Variants in RPS6KC1 observed in about 807,000 individuals in gnomAD.
The protein encoded by RPS6KC1 is inactive ribosomal protein S6 kinase delta-1.
RPS6KC1 carries 54 observed loss-of-function variants against 103.8 expected under a neutral mutation model. The observed-to-expected ratio is 0.52, with a 90% CI of 0.42 to 0.65. RPS6KC1 has a LOEUF of 0.65. RPS6KC1 is among the 30% of genes least tolerant of loss of function. The probability of loss-of-function intolerance (pLI) is 0.00; values close to 1 mark genes in which losing one functional copy is unlikely to be tolerated. For missense variants in RPS6KC1, 1,151 were observed against 1,253.8 expected (o/e 0.92, Z 1.24); for synonymous variants, 439 against 438.7 (o/e 1.00, Z -0.01).
the RPS6KC1 span, among the ~76,000 whole-genome samples, chr1:213,328,945 A>C: frequency 2.6e-5 from 4 of 152,170 alleles, no homozygotes; most frequent in Non-Finnish European, 5.9e-5. Flanking sequence ...TTTAAGGTGC[A>C]TGTTATACAG....
At chr1:213,443,679 C>T in the RPS6KC1 span, among the ~76,000 whole-genome samples, 21 of 151,930 alleles carry the variant, frequency 1.4e-4, no homozygotes, top group African/African-American at 5.1e-4. Flanking sequence ...ACTTTGGGAG[C>T]GTGAGGTGGG....
chr1:213,700,730 T>C, the RPS6KC1 span, among the ~76,000 whole-genome samples: 12 of 152,172 alleles, frequency 7.9e-5, no homozygotes, highest in Admixed American at 3.3e-4. Flanking sequence ...TTAAATTTCT[T>C]TCATCAGTGT....
chr1:213,273,798 C>G lies in RPS6KC1; in HGVS notation c.*1164C>G, dbSNP rs1019871859. The G allele has an allele frequency of 5.9e-5, 9 of 152,054 alleles. No individual in the cohort carries two copies. The highest frequency in any genetic ancestry group is 1.2e-4 in the Non-Finnish European group (8 of 68,008). 9.4% of individuals were successfully genotyped at this position (152,054 alleles called of 1,614,324 possible). On this transcript the variant is annotated 3_prime_UTR_variant, in exon 15 of 15. Transcript: ENST00000366960. ...TAGCTCCTGTAGTTATGCATTGTTGCAAAAATTTACAAATGTTTTAAAAGT... is the reference window on the plus strand; with the variant it reads ...TAGCTCCTGTAGTTATGCATTGTTGGAAAAATTTACAAATGTTTTAAAAGT...
the RPS6KC1 span, among the ~76,000 whole-genome samples, chr1:213,861,425 C>T: frequency 3.9e-5 from 6 of 152,274 alleles, no homozygotes; most frequent in East Asian, 1.2e-3. Flanking sequence ...TCCCCTCTCT[C>T]AATAACAGCG....
rs191841327 is a variant in RPS6KC1 at position 213,143,180 on chromosome 1, T to G, written c.835+13291T>G. Among the ~76,000 whole-genome samples the G allele has an allele frequency of 4.9e-3, 747 of 152,176 alleles. 6 individuals carry two copies. Among genetic ancestry groups the G allele is most frequent in the Non-Finnish European group, 8.1e-3 (552 of 68,006 alleles). ...GTAGATTCAATTTCTTTAGTAGATA[T>G]TCAACTGTTTTGTATATTTCTTCTT... is the stretch of plus-strand genomic sequence containing the variant. On this transcript the variant is annotated intron_variant, in intron 6 of 14. Coordinates refer to ENST00000366960, the MANE Select transcript of RPS6KC1 (RefSeq NM_012424.6).
the RPS6KC1 span, among the ~76,000 whole-genome samples, chr1:213,339,797 A>G: frequency 6.6e-6 from 1 of 152,188 alleles, no homozygotes; most frequent in African/African-American, 2.4e-5. Context: ...CCCAGGACGC[A>G]TGGTGGCTTT....
chr1:213,559,941 G>A, the RPS6KC1 span, among the ~76,000 whole-genome samples: 23 of 151,736 alleles, frequency 1.5e-4, no homozygotes, highest in East Asian at 3.9e-4. Flanking sequence ...CGTGTATGTC[G>A]TAGCAGGTAT....
chr1:213,195,374 T>C (rs1171226604), intron 8 of RPS6KC1, among the ~76,000 whole-genome samples: 1 of 152,258 alleles, frequency 6.6e-6, no homozygotes, highest in Non-Finnish European at 1.5e-5. Flanking sequence ...GGGAATTTTC[T>C]GTACAATGTT....
intron 12 of RPS6KC1, among the ~76,000 whole-genome samples, chr1:213,251,802 C>T (rs2094550818): frequency 6.6e-6 from 1 of 152,162 alleles, no homozygotes; most frequent in Non-Finnish European, 1.5e-5. Flanking sequence ...ATTCAACAAA[C>T]ATTTATTAAA....
intron 4 of RPS6KC1, among the ~76,000 whole-genome samples, chr1:213,106,211 C>T (rs2082477092): frequency 1.3e-5 from 2 of 151,698 alleles, no homozygotes; most frequent in South Asian, 4.2e-4. Flanking sequence ...CAGTGGTATT[C>T]AGTCATTATC....
At position 213,242,559 on chromosome 1, in the gene RPS6KC1, T is replaced by C. The variant is rs2094380572; in HGVS notation, c.2822-10T>C. On this transcript the variant is annotated splice_polypyrimidine_tract_variant and intron_variant, in intron 11 of 14. Transcript: ENST00000366960. ...AAATGTTTTGATTTCTCCTGTCGTT[T>C]TGTTTTTAGGACACATTCAGCTAAC... 1 of 1,605,972 alleles carries C rather than the reference T, an allele frequency of 6.2e-7. No individual in the cohort carries two copies. The highest frequency in any genetic ancestry group is 1.7e-4 in the Middle Eastern group (1 of 6,040).
the RPS6KC1 span, among the ~76,000 whole-genome samples, chr1:213,570,286 G>A: frequency 1.3e-5 from 2 of 152,208 alleles, no homozygotes; most frequent in Admixed American, 1.3e-4. Context: ...GATTAAGTGA[G>A]ATTGTGTATG....
chr1:213,510,314 A>G, the RPS6KC1 span, among the ~76,000 whole-genome samples: 1 of 152,180 alleles, frequency 6.6e-6, no homozygotes, highest in Non-Finnish European at 1.5e-5. Flanking sequence ...CAGTGTCCCC[A>G]AATGCCTGAC....
At chr1:213,261,738 C>A in intron 13 of RPS6KC1, 98 bp downstream of exon 13, 1 of 1,010,728 alleles carries the variant, frequency 9.9e-7, no homozygotes, top group Non-Finnish European at 1.5e-6. Context: ...AAATCAGGGA[C>A]TAAGCAAGAA....
chr1:213,495,501 T>C, the RPS6KC1 span, among the ~76,000 whole-genome samples: 1 of 152,176 alleles, frequency 6.6e-6, no homozygotes, highest in South Asian at 2.1e-4. Flanking sequence ...TTTGTATTTT[T>C]AGTAGAGACG....
chr1:213,738,849 T>TC, the RPS6KC1 span, among the ~76,000 whole-genome samples: 3 of 38,770 alleles, frequency 7.7e-5, no homozygotes, highest in African/African-American at 2.2e-4. Flanking sequence ...AATAAATAAA[T>TC]AAATAAATAA....
At chr1:213,225,550 G>A (rs561948837) in intron 8 of RPS6KC1, among the ~76,000 whole-genome samples, 2 of 152,026 alleles carry the variant, frequency 1.3e-5, no homozygotes, top group African/African-American at 2.4e-5. Context: ...CACCATGCCC[G>A]GCTAATTTTT....
chr1:213,063,658 TAA>T (rs1486422011), intron 1 of RPS6KC1, among the ~76,000 whole-genome samples: 2 of 152,284 alleles, frequency 1.3e-5, no homozygotes, highest in South Asian at 2.1e-4. Flanking sequence ...ATAAATAACA[TAA>T]AAATAAAAAA....
the RPS6KC1 span, among the ~76,000 whole-genome samples, chr1:213,593,928 A>G: frequency 6.6e-6 from 1 of 151,970 alleles, no homozygotes; most frequent in African/African-American, 2.4e-5. Context: ...TGCAGTGGTG[A>G]GATCTTGGCT....
Sources: allele counts gnomAD v4.1 joint callset (sites outside exome capture counted in the v4.1 genomes callset), GRCh38; gene constraint gnomAD v4.1.1; transcripts MANE v1.5; gene names NCBI Gene and HGNC (gene_info 2026-07-23, HGNC 2026-07-21).